Variants in CDKAL1 observed in about 807,000 individuals in gnomAD.
CDKAL1 encodes threonylcarbamoyladenosine tRNA methylthiotransferase.
Under a neutral mutation model 68.2 loss-of-function variants are expected in CDKAL1, and 32 were observed. The observed-to-expected ratio is 0.47, with a 90% CI of 0.35 to 0.63. The LOEUF (loss-of-function observed/expected upper bound fraction) is 0.63. CDKAL1 is among the 30% of genes least tolerant of loss of function. CDKAL1 has a pLI of 0.00. For missense variants in CDKAL1, 606 were observed against 696.7 expected, an observed-to-expected ratio of 0.87 and a Z score of 1.47; for synonymous variants, 234 against 244.3, an observed-to-expected ratio of 0.96 and a Z score of 0.39.
chr6:21,062,524 A>G lies in CDKAL1; in HGVS notation c.1056-2524A>G, dbSNP rs1255586750. 3.3e-5 allele frequency among the ~76,000 whole-genome samples: 5 copies of G among 152,210 alleles called. No homozygotes were observed. In the East Asian group the frequency reaches 9.6e-4, roughly 29 times the overall value. ...AAAAAATATGTTTATATCACAATAA[A>G]AAGTTTAAATTTTTCTTCAAATGTA... On this transcript the variant is annotated intron_variant, in intron 11 of 15. Transcript: ENST00000274695.
chr6:21,136,169 A>G (rs1447974618), intron 13 of CDKAL1, among the ~76,000 whole-genome samples: 1 of 152,220 alleles, frequency 6.6e-6, no homozygotes, highest in Non-Finnish European at 1.5e-5. Flanking sequence ...CTTCAAGTGA[A>G]GTTAGGTGTC....
intron 4 of CDKAL1, among the ~76,000 whole-genome samples, chr6:20,606,218 T>C (rs1042581052): frequency 6.6e-6 from 1 of 152,196 alleles, no homozygotes; most frequent in Non-Finnish European, 1.5e-5. Context: ...ACCATATATT[T>C]ATATAACATT....
intron 11 of CDKAL1, among the ~76,000 whole-genome samples, chr6:21,003,325 G>C (rs1767528833): frequency 1.0e-5 from 1 of 97,444 alleles, no homozygotes; most frequent in Admixed American, 1.1e-4. Flanking sequence ...GGCCAACATG[G>C]TGAAACCATC....
At chr6:21,186,507 G>A (rs1778020606) in intron 13 of CDKAL1, among the ~76,000 whole-genome samples, 1 of 152,148 alleles carries the variant, frequency 6.6e-6, no homozygotes, top group African/African-American at 2.4e-5. Context: ...ATGACAGATT[G>A]GAAAATGTAG....
intron 9 of CDKAL1, among the ~76,000 whole-genome samples, chr6:20,936,482 C>A (rs1240810771): frequency 6.6e-6 from 1 of 151,154 alleles, no homozygotes; most frequent in Non-Finnish European, 1.5e-5. Flanking sequence ...GATCTCCTGA[C>A]CTCGTGATCC....
chr6:21,215,060 C>T (rs961344425), intron 15 of CDKAL1, among the ~76,000 whole-genome samples: 2 of 152,318 alleles, frequency 1.3e-5, no homozygotes, highest in Non-Finnish European at 1.5e-5. Flanking sequence ...TGATCTCAGC[C>T]TGGCTCACTC....
intron 6 of CDKAL1, among the ~76,000 whole-genome samples, chr6:20,757,824 C>T (rs1005919534): frequency 6.6e-6 from 1 of 152,068 alleles, no homozygotes; most frequent in South Asian, 2.1e-4. Context: ...AAAGAAGAAT[C>T]GACTTTGACT....
intron 8 of CDKAL1, among the ~76,000 whole-genome samples, chr6:20,811,927 T>A (rs1031591248): frequency 3.3e-5 from 5 of 152,168 alleles, no homozygotes; most frequent in African/African-American, 4.8e-5. Context: ...TTTACATCCC[T>A]TTACAAATAT....
intron 9 of CDKAL1, among the ~76,000 whole-genome samples, chr6:20,926,006 G>T (rs1430101463): frequency 1.3e-5 from 2 of 152,038 alleles, no homozygotes; most frequent in Non-Finnish European, 2.9e-5. Flanking sequence ...ATTACACAGA[G>T]CTCTGTTAAT....
At chr6:20,939,138 T>C (rs1285266629) in intron 9 of CDKAL1, among the ~76,000 whole-genome samples, 1 of 152,186 alleles carries the variant, frequency 6.6e-6, no homozygotes, top group African/African-American at 2.4e-5. Flanking sequence ...TGCAGTCTTA[T>C]TGTAGCTTTC....
intron 9 of CDKAL1, among the ~76,000 whole-genome samples, chr6:20,920,967 C>T (rs1247176247): frequency 6.6e-6 from 1 of 152,106 alleles, no homozygotes; most frequent in East Asian, 1.9e-4. Flanking sequence ...TAAAGCCCCT[C>T]TCCTAGATAT....
intron 11 of CDKAL1, among the ~76,000 whole-genome samples, chr6:21,030,844 G>C (rs1263910132): frequency 1.3e-5 from 2 of 152,118 alleles, no homozygotes; most frequent in Non-Finnish European, 2.9e-5. Context: ...TTTTAAGAAG[G>C]GGCAGGAGTT....
At chr6:20,732,185 A>AC (rs1297115907) in intron 5 of CDKAL1, among the ~76,000 whole-genome samples, 4 of 150,234 alleles carry the variant, frequency 2.7e-5, no homozygotes, top group African/African-American at 4.9e-5. Context: ...ACCTGGGACT[A>AC]CAGGTGTGTA....
At chr6:20,851,528 G>A (rs1345617354) in intron 9 of CDKAL1, among the ~76,000 whole-genome samples, 3 of 151,964 alleles carry the variant, frequency 2.0e-5, no homozygotes, top group Admixed American at 6.6e-5. Flanking sequence ...TATAGCTATC[G>A]TGTGCTTTTC....
intron 9 of CDKAL1, among the ~76,000 whole-genome samples, chr6:20,852,987 G>A (rs1221287365): frequency 6.6e-6 from 1 of 152,146 alleles, no homozygotes; most frequent in Non-Finnish European, 1.5e-5. Context: ...AGGCTTTGTG[G>A]GCCATAAGGC....
intron 13 of CDKAL1, among the ~76,000 whole-genome samples, chr6:21,175,640 A>T (rs150361193): frequency 6.6e-6 from 1 of 152,356 alleles, no homozygotes; most frequent in East Asian, 1.9e-4. Context: ...CCATTTTTAA[A>T]AACCAGACAG....
intron 13 of CDKAL1, among the ~76,000 whole-genome samples, chr6:21,176,943 C>T (rs1288327744): frequency 6.6e-6 from 1 of 151,850 alleles, no homozygotes; most frequent in Non-Finnish European, 1.5e-5. Context: ...ATGATCCACC[C>T]GCCTCAGCCT....
At chr6:21,094,891 G>GCATA (rs1330228202) in intron 12 of CDKAL1, among the ~76,000 whole-genome samples, 1 of 152,216 alleles carries the variant, frequency 6.6e-6, no homozygotes, top group East Asian at 1.9e-4. Flanking sequence ...CTTACTTTAA[G>GCATA]CATAACTCTT....
At chr6:20,579,032 C>T (rs1267943608) in intron 4 of CDKAL1, among the ~76,000 whole-genome samples, 1 of 152,172 alleles carries the variant, frequency 6.6e-6, no homozygotes, top group African/African-American at 2.4e-5. Flanking sequence ...GGCTGGAGTG[C>T]AGCAGCGCAA....
Sources: gnomAD v4.1 joint callset for allele counts (sites outside exome capture counted in the v4.1 genomes callset) on GRCh38, gnomAD v4.1.1 for gene constraint, MANE v1.5 for transcripts, NCBI Gene and HGNC (gene_info 2026-07-23, HGNC 2026-07-21) for gene names.